Variants in CACNA2D3 observed in about 807,000 individuals in gnomAD.
CACNA2D3 encodes the protein voltage-dependent calcium channel subunit alpha-2/delta-3.
Under a neutral mutation model 160.6 loss-of-function variants are expected in CACNA2D3, and 60 were observed. The ratio of observed to expected loss-of-function variants is 0.37; its 90% CI spans 0.30 to 0.46. The LOEUF is 0.46. Ranked by LOEUF, CACNA2D3 falls within the 20% of genes least tolerant of loss-of-function variation. The pLI is 1.00. For missense variants in CACNA2D3, 1,205 were observed against 1,365.0 expected (o/e 0.88, Z 1.85); for synonymous variants, 558 against 492.9 (o/e 1.13, Z -1.75).
At chr3:55,046,207 C>T (rs1394929249) in intron 35 of CACNA2D3, among the ~76,000 whole-genome samples, 1 of 146,648 alleles carries the variant, frequency 6.8e-6, no homozygotes, top group African/African-American at 2.6e-5. Context: ...CCCACTAACT[C>T]GTCATCTAGC....
intron 13 of CACNA2D3, among the ~76,000 whole-genome samples, chr3:54,793,666 G>T (rs1302743407): frequency 6.6e-6 from 1 of 152,146 alleles, no homozygotes; most frequent in Non-Finnish European, 1.5e-5. Context: ...CCTTTGTCTA[G>T]GTCAGTGTAG....
intron 9 of CACNA2D3, among the ~76,000 whole-genome samples, chr3:54,609,303 C>T (rs1698698491): frequency 6.6e-6 from 1 of 152,184 alleles, no homozygotes; most frequent in African/African-American, 2.4e-5. Flanking sequence ...AGACTTCTAA[C>T]CTCTAAAACT....
At chr3:54,535,626 G>A (rs538063997) in intron 5 of CACNA2D3, among the ~76,000 whole-genome samples, 2 of 152,264 alleles carry the variant, frequency 1.3e-5, no homozygotes, top group Non-Finnish European at 2.9e-5. Flanking sequence ...AATAATGGCT[G>A]TAATTGAGAA....
chr3:55,045,551 G>T (rs13318170), intron 35 of CACNA2D3, among the ~76,000 whole-genome samples: 3,609 of 152,264 alleles, frequency 0.024, 153 homozygotes, highest in African/African-American at 0.082. Flanking sequence ...AGAAAAAGTT[G>T]TAGCTATGAA....
chr3:54,823,284 G>A (rs776106842), intron 14 of CACNA2D3, among the ~76,000 whole-genome samples: 3 of 152,054 alleles, frequency 2.0e-5, no homozygotes, highest in Non-Finnish European at 2.9e-5. Flanking sequence ...AACATTTGAC[G>A]TGTTCATGTA....
intron 12 of CACNA2D3, among the ~76,000 whole-genome samples, chr3:54,755,008 A>G (rs1186664329): frequency 1.3e-5 from 2 of 152,184 alleles, no homozygotes; most frequent in African/African-American, 2.4e-5. Flanking sequence ...TGTCCATGGC[A>G]TTCTTCTTCC....
intron 3 of CACNA2D3, among the ~76,000 whole-genome samples, chr3:54,356,786 GCATTCCTC>G (rs1335506900): frequency 6.6e-6 from 1 of 152,130 alleles, no homozygotes; most frequent in African/African-American, 2.4e-5. Context: ...TTAAAAATTT[GCATTCCTC>G]CATCATCAGT....
At chr3:54,204,052 A>T (rs1162054435) in intron 2 of CACNA2D3, among the ~76,000 whole-genome samples, 1 of 151,728 alleles carries the variant, frequency 6.6e-6, no homozygotes, top group Non-Finnish European at 1.5e-5. Flanking sequence ...AGGAACTCAC[A>T]CCTTTTTTCT....
intron 29 of CACNA2D3, among the ~76,000 whole-genome samples, chr3:54,980,298 T>A (rs939849594): frequency 1.3e-5 from 2 of 152,234 alleles, no homozygotes; most frequent in African/African-American, 4.8e-5. Flanking sequence ...AAAAACCTGT[T>A]GTGCTTTTAT....
intron 2 of CACNA2D3, among the ~76,000 whole-genome samples, chr3:54,242,996 C>G (rs373520979): frequency 1.3e-5 from 2 of 152,312 alleles, no homozygotes; most frequent in African/African-American, 4.8e-5. Context: ...AGAAATTACT[C>G]TTCTCAATAG....
intron 2 of CACNA2D3, among the ~76,000 whole-genome samples, chr3:54,138,092 C>T (rs1260275825): frequency 2.6e-5 from 4 of 152,126 alleles, no homozygotes; most frequent in Non-Finnish European, 5.9e-5. Context: ...GCATCATTTT[C>T]CAGAGGAAGA....
intron 13 of CACNA2D3, among the ~76,000 whole-genome samples, chr3:54,772,335 G>C (rs1250571817): frequency 6.6e-6 from 1 of 151,670 alleles, no homozygotes; most frequent in African/African-American, 2.4e-5. Flanking sequence ...TAAATAAATA[G>C]CTTAAAAATG....
At chr3:54,792,949 C>CA (rs1473782047) in intron 13 of CACNA2D3, among the ~76,000 whole-genome samples, 6 of 152,208 alleles carry the variant, frequency 3.9e-5, no homozygotes, top group Non-Finnish European at 8.8e-5. Context: ...TCAGTGCAGG[C>CA]AAAAAACTGC....
chr3:54,357,636 C>T (rs1698672364), intron 3 of CACNA2D3, among the ~76,000 whole-genome samples: 1 of 152,204 alleles, frequency 6.6e-6, no homozygotes, highest in African/African-American at 2.4e-5. Context: ...AGCAGACTTA[C>T]TCACAATTGC....
chr3:54,490,080 T>C (rs1161363015), intron 4 of CACNA2D3, among the ~76,000 whole-genome samples: 1 of 152,190 alleles, frequency 6.6e-6, no homozygotes, highest in African/African-American at 2.4e-5. Flanking sequence ...CTAGTATTCC[T>C]ACTAATTTTT....
intron 3 of CACNA2D3, among the ~76,000 whole-genome samples, chr3:54,371,433 A>G (rs969963594): frequency 1.1e-4 from 16 of 152,182 alleles, no homozygotes; most frequent in Admixed American, 6.5e-4. Context: ...ACTTTTTTCT[A>G]ACAACTTCAT....
At chr3:54,272,254 T>G (rs748752729) in intron 2 of CACNA2D3, among the ~76,000 whole-genome samples, 59 of 152,212 alleles carry the variant, frequency 3.9e-4, no homozygotes, top group Non-Finnish European at 6.5e-4. Context: ...TTTGTTTTCT[T>G]GTACATTTTG....
intron 31 of CACNA2D3, among the ~76,000 whole-genome samples, chr3:54,994,380 T>G (rs1489876681): frequency 6.6e-6 from 1 of 152,214 alleles, no homozygotes; most frequent in African/African-American, 2.4e-5. Context: ...GTGTAATGGC[T>G]TCGTGGCTTC....
chr3:54,834,086 T>C (rs1277610763), intron 14 of CACNA2D3, among the ~76,000 whole-genome samples: 1 of 152,236 alleles, frequency 6.6e-6, no homozygotes, highest in Admixed American at 6.5e-5. Context: ...TGGAATTAGC[T>C]CCTGAGTGAA....
Sources: allele counts gnomAD v4.1 joint callset (sites outside exome capture counted in the v4.1 genomes callset), GRCh38; gene constraint gnomAD v4.1.1; transcripts MANE v1.5; gene names NCBI Gene and HGNC (gene_info 2026-07-23, HGNC 2026-07-21).